The following PTPN13 variants were observed in gnomAD, a reference collection of about 807,000 sequenced individuals.
PTPN13 encodes tyrosine-protein phosphatase non-receptor type 13.
PTPN13 carries 191 observed loss-of-function variants against 284.0 expected under a neutral mutation model. The observed-to-expected ratio is 0.67, with a 90% confidence interval of 0.60 to 0.76. The LOEUF (loss-of-function observed/expected upper bound fraction) is 0.76, where lower values mean the gene tolerates loss of function less well. PTPN13 is among the 30% of genes least tolerant of loss of function. PTPN13 has a pLI of 0.00. For missense variants in PTPN13, 2,797 were observed against 2,939.9 expected, an observed-to-expected ratio of 0.95 and a Z score of 1.12; for synonymous variants, 986 against 1,022.3, an observed-to-expected ratio of 0.96 and a Z score of 0.68.
intron 14 of PTPN13, 143 bp from the exon 15 acceptor site, chr4:86,735,451 C>A: frequency 1.2e-6 from 1 of 837,014 alleles, no homozygotes; most frequent in Non-Finnish European, 1.8e-6. Flanking sequence ...TGATGCATTT[C>A]TTCTAAAACT....
At chr4:86,721,582 T>A (rs1183010290) in intron 9 of PTPN13, among the ~76,000 whole-genome samples, 1 of 152,122 alleles carries the variant, frequency 6.6e-6, no homozygotes, top group East Asian at 1.9e-4. Flanking sequence ...GTTTCATTAC[T>A]AGAACAAGAG....
At chr4:86,655,312 A>G (rs942697347) in intron 2 of PTPN13, among the ~76,000 whole-genome samples, 1 of 152,164 alleles carries the variant, frequency 6.6e-6, no homozygotes, top group African/African-American at 2.4e-5. Context: ...TTTGCTCGTT[A>G]GTTGATGCAG....
rs1248134652 is a variant in PTPN13 at position 86,701,339 on chromosome 4, T to C, written c.733T>C (p.Ser245Pro). Residue 245 changes from serine to proline, a missense_variant, in exon 7 of 48, where the codon TCC becomes CCC. Physicochemically the swap from Ser to Pro is moderately conservative, Grantham distance 74. Coordinates refer to ENST00000411767, the MANE Select transcript of PTPN13 (RefSeq NM_080683.3). ...KGLSKSMGFL[S>P]IKDTQDENYF... ...GCTTAGTAAATCTATGGGATTTCTGTCCATCAAAGATACACAAGATGAGAA... is the reference window on the plus strand; with the variant it reads ...GCTTAGTAAATCTATGGGATTTCTGCCCATCAAAGATACACAAGATGAGAA... 8 of 1,612,504 alleles carry C rather than the reference T, an allele frequency of 5.0e-6. No homozygotes were observed. Among genetic ancestry groups the C allele is most frequent in the Non-Finnish European group, 6.8e-6 (8 of 1,178,776 alleles).
At chr4:86,684,089 C>T (rs1358350563) in intron 3 of PTPN13, among the ~76,000 whole-genome samples, 2 of 146,906 alleles carry the variant, frequency 1.4e-5, no homozygotes, top group Non-Finnish European at 1.5e-5. Context: ...AAGAGGGATA[C>T]TAAGATATGT....
intron 2 of PTPN13, among the ~76,000 whole-genome samples, chr4:86,651,632 A>T (rs1206713936): frequency 1.3e-5 from 2 of 151,996 alleles, no homozygotes; most frequent in Non-Finnish European, 2.9e-5. Context: ...TTGATGGGAG[A>T]CTTTTTATTA....
intron 7 of PTPN13, among the ~76,000 whole-genome samples, chr4:86,708,636 T>C (rs1732026993): frequency 6.6e-6 from 1 of 152,108 alleles, no homozygotes; most frequent in African/African-American, 2.4e-5. Context: ...AGATCGAAAA[T>C]GGATCTTACT....
At chr4:86,693,957 G>T (rs866914293) in intron 6 of PTPN13, among the ~76,000 whole-genome samples, 2 of 151,208 alleles carry the variant, frequency 1.3e-5, no homozygotes, top group Middle Eastern at 3.2e-3. Context: ...TTACTTTATC[G>T]TGGTATTTCA....
chr4:86,678,116 C>A (rs1728496447), intron 3 of PTPN13, among the ~76,000 whole-genome samples: 1 of 152,064 alleles, frequency 6.6e-6, no homozygotes, highest in South Asian at 2.1e-4. Context: ...TATAAACTAA[C>A]CATCACACTC....
intron 6 of PTPN13, among the ~76,000 whole-genome samples, chr4:86,694,193 CTAA>C (rs1400861344): frequency 6.6e-6 from 1 of 151,364 alleles, no homozygotes; most frequent in Non-Finnish European, 1.5e-5. Context: ...TAAATAAAAA[CTAA>C]TGATGAGTAG....
At chr4:86,804,426 A>C (rs1744434148) in intron 43 of PTPN13, among the ~76,000 whole-genome samples, 1 of 152,174 alleles carries the variant, frequency 6.6e-6, no homozygotes, top group African/African-American at 2.4e-5. Flanking sequence ...CTTTAATAAG[A>C]GGTTCTGCTT....
At chr4:86,742,432 G>C (rs1478194462) in intron 16 of PTPN13, among the ~76,000 whole-genome samples, 2 of 152,204 alleles carry the variant, frequency 1.3e-5, no homozygotes, top group Non-Finnish European at 2.9e-5. Flanking sequence ...TCCATTGGCA[G>C]ACTTCAGAGA....
chr4:86,753,824 C>T (rs759384204), intron 20 of PTPN13, among the ~76,000 whole-genome samples: 22 of 152,036 alleles, frequency 1.4e-4, no homozygotes, highest in Non-Finnish European at 2.2e-4. Flanking sequence ...AAAAATGTTT[C>T]AGTCTTGGAC....
intron 3 of PTPN13, among the ~76,000 whole-genome samples, chr4:86,679,934 T>A (rs1421382468): frequency 6.6e-6 from 1 of 152,242 alleles, no homozygotes; most frequent in Admixed American, 6.5e-5. Flanking sequence ...CAAATATTTA[T>A]CATATGTGGG....
chr4:86,643,690 T>C (rs1392613272), intron 2 of PTPN13, among the ~76,000 whole-genome samples: 3 of 152,212 alleles, frequency 2.0e-5, no homozygotes, highest in African/African-American at 7.2e-5. Context: ...ACACTTCTTT[T>C]ATTTATGGAA....
chr4:86,776,379 A>G (rs1418342118), intron 35 of PTPN13, among the ~76,000 whole-genome samples: 2 of 152,218 alleles, frequency 1.3e-5, no homozygotes, highest in Non-Finnish European at 2.9e-5. Context: ...TCAGTTTTCA[A>G]AAGACTACAT....
intron 2 of PTPN13, among the ~76,000 whole-genome samples, chr4:86,637,205 A>G (rs1430084082): frequency 6.6e-6 from 1 of 151,994 alleles, no homozygotes; most frequent in Non-Finnish European, 1.5e-5. Context: ...CCAACCAAAA[A>G]GAGTCCAGGA....
intron 2 of PTPN13, among the ~76,000 whole-genome samples, chr4:86,638,935 A>T (rs561753513): frequency 6.6e-6 from 1 of 152,344 alleles, no homozygotes; most frequent in East Asian, 1.9e-4. Context: ...TACTCATCTG[A>T]CAAAGGGCTA....
At chr4:86,648,670 A>G (rs748159153) in intron 2 of PTPN13, among the ~76,000 whole-genome samples, 23 of 152,156 alleles carry the variant, frequency 1.5e-4, no homozygotes, top group Admixed American at 2.6e-4. Context: ...GGCTATGGTG[A>G]ATAGTGCTGC....
Position 86,807,576 on chromosome 4 carries a change from G to T in PTPN13, c.6762G>T (p.Val2254=). ...AATTCACAGATGATGCTACAAGAGT[G>T]CCTCTTGGAGATGAAGGTGGCTATA... The part of the protein sequence containing the change: ...KNILPYDATR[V]PLGDEGGYIN... Residue 2254 remains valine, a synonymous_variant, in exon 45 of 48, where the codon GTG becomes GTT. Transcript: ENST00000411767. The T allele has an allele frequency of 6.2e-7, 1 of 1,610,182 alleles. No individual in the cohort carries two copies.
Sources: gnomAD v4.1 joint callset for allele counts (sites outside exome capture counted in the v4.1 genomes callset) on GRCh38, gnomAD v4.1.1 for gene constraint, MANE v1.5 for transcripts, NCBI Gene and HGNC (gene_info 2026-07-23, HGNC 2026-07-21) for gene names.